CENPK: variants seen among roughly 807,000 people sequenced by gnomAD.
The protein encoded by CENPK is SoxLZ/Sox6-binding protein Solt.
In CENPK, 46 loss-of-function variants were observed where a neutral mutation model predicts 40.9. That is an observed-to-expected ratio of 1.13 (90% CI 0.89 to 1.44). The LOEUF (loss-of-function observed/expected upper bound fraction) is 1.44, where lower values mean the gene tolerates loss of function less well. Among genes scored for constraint, CENPK ranks in the 40% most tolerant of loss-of-function variants. The pLI, the probability that CENPK is intolerant of heterozygous loss-of-function variation, is 0.00. For synonymous variants in CENPK, 107 were observed against 104.4 expected (o/e 1.02, Z -0.15); for missense variants, 288 against 303.5 (o/e 0.95, Z 0.38).
At chr5:65,556,925 C>T (rs1751083650) in intron 2 of CENPK, among the ~76,000 whole-genome samples, 1 of 152,174 alleles carries the variant, frequency 6.6e-6, no homozygotes, top group East Asian at 1.9e-4. Flanking sequence ...TAGGTTATAC[C>T]ATCTAGGTTT....
At chr5:65,500,647 GTTCT>G in the CENPK span, among the ~76,000 whole-genome samples, 1 of 151,944 alleles carries the variant, frequency 6.6e-6, no homozygotes, top group Non-Finnish European at 1.5e-5. Context: ...AATATCTATT[GTTCT>G]TTGTTTTTTC....
At chr5:65,505,657 A>G in the CENPK span, among the ~76,000 whole-genome samples, 4 of 152,178 alleles carry the variant, frequency 2.6e-5, no homozygotes, top group Non-Finnish European at 5.9e-5. Flanking sequence ...AAAACAAAGC[A>G]AAAACCTATG....
At chr5:65,523,519 G>A (rs1392513501) in intron 9 of CENPK, among the ~76,000 whole-genome samples, 2 of 152,212 alleles carry the variant, frequency 1.3e-5, no homozygotes, top group Non-Finnish European at 2.9e-5. Flanking sequence ...CAAGAGAGCC[G>A]AGCAGGCTCT....
chr5:65,543,650 T>A lies in CENPK; in HGVS notation c.242-802A>T, dbSNP rs542870800. ...AATGAATATACCATAATATACTGAG[T>A]GATTGCCCTCTTGATTGAACACTTT... On this transcript the variant is annotated intron_variant, in intron 5 of 10. Coordinates refer to ENST00000396679, the MANE Select transcript of CENPK (RefSeq NM_022145.5). 5.9e-5 allele frequency among the ~76,000 whole-genome samples: 9 copies of A among 152,220 alleles called. No homozygotes were observed. In the South Asian group the frequency reaches 1.9e-3, roughly 32 times the overall value.
intron 5 of CENPK, among the ~76,000 whole-genome samples, chr5:65,545,607 AG>A (rs1011915375): frequency 6.6e-6 from 1 of 152,248 alleles, no homozygotes; most frequent in Non-Finnish European, 1.5e-5. Context: ...GAACGGCTCA[AG>A]GAAGTTCTTG....
At chr5:65,514,436 T>G (rs1170371388), downstream of CENPK, among the ~76,000 whole-genome samples, 1 of 151,576 alleles carries the variant, frequency 6.6e-6, no homozygotes, top group African/African-American at 2.4e-5. Flanking sequence ...GGCTAATTTT[T>G]TAGTATTTTT....
At chr5:65,498,610 T>C in the CENPK span, among the ~76,000 whole-genome samples, 1 of 150,208 alleles carries the variant, frequency 6.7e-6, no homozygotes, top group Non-Finnish European at 1.5e-5. Context: ...CTTTCTTTTC[T>C]TTTTTTCTTT....
chr5:65,536,790 C>G (rs1474793964), intron 6 of CENPK, among the ~76,000 whole-genome samples: 1 of 152,116 alleles, frequency 6.6e-6, no homozygotes, highest in Non-Finnish European at 1.5e-5. Context: ...TTTATTTCTT[C>G]TATTATTCCA....
At chr5:65,503,098 C>A in the CENPK span, among the ~76,000 whole-genome samples, 1 of 149,556 alleles carries the variant, frequency 6.7e-6, no homozygotes. Flanking sequence ...CGTGCCTGCC[C>A]ACCAATGTAA....
intron 5 of CENPK, among the ~76,000 whole-genome samples, chr5:65,545,666 A>C (rs1748809575): frequency 6.6e-6 from 1 of 152,206 alleles, no homozygotes; most frequent in Non-Finnish European, 1.5e-5. Context: ...AGGAAGAACA[A>C]TAGAAAGAAC....
chr5:65,559,404 C>T (rs192768954), intron 2 of CENPK, among the ~76,000 whole-genome samples: 5,407 of 151,828 alleles, frequency 0.036, 315 homozygotes, highest in African/African-American at 0.12. Context: ...CCGAGGCGGG[C>T]GGATCACGAG....
chr5:65,550,942 A>G (rs920583507), intron 5 of CENPK: 1 of 159,634 alleles, frequency 6.3e-6, no homozygotes, highest in African/African-American at 2.4e-5. Flanking sequence ...CTCTTCCACT[A>G]GGTAAATTGC....
intron 10 of CENPK, among the ~76,000 whole-genome samples, chr5:65,520,903 G>T (rs1281501021): frequency 6.6e-6 from 1 of 152,034 alleles, no homozygotes; most frequent in Non-Finnish European, 1.5e-5. Flanking sequence ...CTGATAATAT[G>T]GTTGAGGTTC....
chr5:65,531,295 G>A (rs1745764672), intron 6 of CENPK, among the ~76,000 whole-genome samples: 1 of 151,948 alleles, frequency 6.6e-6, no homozygotes, highest in Non-Finnish European at 1.5e-5. Context: ...CAACTATTTG[G>A]ATACCAAAAA....
chr5:65,533,668 AT>A (rs1161590695), intron 6 of CENPK, among the ~76,000 whole-genome samples: 3 of 152,218 alleles, frequency 2.0e-5, no homozygotes, highest in Non-Finnish European at 2.9e-5. Context: ...AGGATGTAGA[AT>A]AAAAGTTTCT....
intron 8 of CENPK, 28 bp from the exon 9 acceptor site, chr5:65,528,606 C>T: frequency 6.7e-7 from 1 of 1,485,950 alleles, no homozygotes; most frequent in South Asian, 1.4e-5. Flanking sequence ...TTAAGAGAAA[C>T]ATTTAACTGA....
the CENPK span, among the ~76,000 whole-genome samples, chr5:65,507,798 G>A: frequency 1.3e-3 from 199 of 152,234 alleles, no homozygotes; most frequent in Middle Eastern, 6.8e-3. Context: ...AGGAACTTAT[G>A]TAGGATCCCA....
chr5:65,502,608 T>C, the CENPK span, among the ~76,000 whole-genome samples: 1 of 152,072 alleles, frequency 6.6e-6, no homozygotes, highest in South Asian at 2.1e-4. Flanking sequence ...CTTTTTTTGT[T>C]TGTTTGGTTT....
At chr5:65,528,281 C>T (rs903014253) in intron 9 of CENPK, among the ~76,000 whole-genome samples, 171 bp downstream of exon 9, 10 of 151,264 alleles carry the variant, frequency 6.6e-5, no homozygotes, top group African/African-American at 2.2e-4. Flanking sequence ...TACTTAATCC[C>T]ATTTTATTGA....
Sources: allele counts gnomAD v4.1 joint callset (sites outside exome capture counted in the v4.1 genomes callset), GRCh38; gene constraint gnomAD v4.1.1; transcripts MANE v1.5; gene names NCBI Gene and HGNC (gene_info 2026-07-23, HGNC 2026-07-21).